FBXL4: variants seen among roughly 807,000 people sequenced by gnomAD.
The protein encoded by FBXL4 is F-box and leucine rich repeat protein 4.
FBXL4 carries 40 observed loss-of-function variants against 58.9 expected under a neutral mutation model. That is an observed-to-expected ratio of 0.68 (90% CI 0.53 to 0.88). The LOEUF (loss-of-function observed/expected upper bound fraction) is 0.88. Ranked by LOEUF, FBXL4 falls within the 40% of genes least tolerant of loss-of-function variation. The pLI is 0.00. For synonymous variants in FBXL4, 263 were observed against 265.5 expected (o/e 0.99, Z 0.09); for missense variants, 676 against 734.4 (o/e 0.92, Z 0.92).
intron 6 of FBXL4, among the ~76,000 whole-genome samples, chr6:98,902,858 C>A (rs191958643): frequency 1.4e-3 from 209 of 152,128 alleles, no homozygotes; most frequent in African/African-American, 4.8e-3. Context: ...TATGCATGAA[C>A]AGTACTCAAA....
chr6:98,899,064 G>T (rs1771508562), intron 7 of FBXL4: 1 of 985,084 alleles, frequency 1.0e-6, no homozygotes, highest in Non-Finnish European at 1.2e-6. Flanking sequence ...GCATAGAGAA[G>T]AACATTTCCT....
At chr6:98,892,972 G>A (rs989701751) in intron 7 of FBXL4, among the ~76,000 whole-genome samples, 4 of 152,136 alleles carry the variant, frequency 2.6e-5, no homozygotes, top group African/African-American at 9.7e-5. Flanking sequence ...GGATGCAGGT[G>A]TTCCATTTAT....
intron 4 of FBXL4, 47 bp downstream of exon 4, chr6:98,926,430 A>G: frequency 6.6e-7 from 1 of 1,513,608 alleles, no homozygotes; most frequent in Non-Finnish European, 8.9e-7. Context: ...ATTAACAACC[A>G]AAACCTTTCT....
chr6:98,907,189 AAG>A (rs1445103344), intron 5 of FBXL4, among the ~76,000 whole-genome samples: 2 of 152,186 alleles, frequency 1.3e-5, no homozygotes, highest in East Asian at 3.9e-4. Flanking sequence ...ACCAGGTGAA[AAG>A]AGAGTCTAGT....
At chr6:98,935,311 T>G (rs191157876) in intron 1 of FBXL4, among the ~76,000 whole-genome samples, 14 of 152,016 alleles carry the variant, frequency 9.2e-5, no homozygotes, top group Admixed American at 2.0e-4. Context: ...TTTTTTGTTT[T>G]TTTTTTTTCT....
chr6:98,907,694 T>G (rs75862686), intron 5 of FBXL4, among the ~76,000 whole-genome samples: 4,226 of 152,302 alleles, frequency 0.028, 72 homozygotes, highest in Non-Finnish European at 0.044. Flanking sequence ...TTTAATTTAA[T>G]GTATTTATCT....
chr6:98,888,392 G>C (rs1437319876), intron 7 of FBXL4, among the ~76,000 whole-genome samples: 1 of 152,172 alleles, frequency 6.6e-6, no homozygotes, highest in Non-Finnish European at 1.5e-5. Context: ...CTCTACTTAG[G>C]AGAACAAAAC....
intron 1 of FBXL4, among the ~76,000 whole-genome samples, chr6:98,941,543 T>A (rs1773432294): frequency 6.6e-6 from 1 of 152,152 alleles, no homozygotes; most frequent in Non-Finnish European, 1.5e-5. Context: ...ATTGATTTGG[T>A]TATGCACACG....
chr6:98,875,591 T>G lies in FBXL4; in HGVS notation c.1526A>C (p.Glu509Ala), dbSNP rs759005691. The G allele has an allele frequency of 1.9e-6, 3 of 1,614,122 alleles. No homozygotes were observed. The highest frequency in any genetic ancestry group is 2.2e-5 in the South Asian group (2 of 91,080). Residue 509 changes from glutamate to alanine, a missense_variant, in exon 9 of 10, where the codon GAG (glutamate) becomes GCG (alanine). Physicochemically the swap from Glu to Ala is moderately radical, Grantham distance 107. Transcript: ENST00000369244. ...ELASGCPLLE[E>A]LDLGWCPTLQ... ...AGTTGGGCACCAGCCAAGGTCAAGC[T>G]CCTCCAGTAGTGGACACCCAGAAGC...
intron 5 of FBXL4, among the ~76,000 whole-genome samples, chr6:98,914,252 T>C (rs557914906): frequency 6.6e-6 from 1 of 152,282 alleles, no homozygotes; most frequent in East Asian, 1.9e-4. Flanking sequence ...GAGGAACTGG[T>C]ACCATTCCTT....
chr6:98,932,910 GAA>G (rs572882559), intron 2 of FBXL4, among the ~76,000 whole-genome samples: 4 of 101,728 alleles, frequency 3.9e-5, no homozygotes, highest in African/African-American at 7.3e-5. Flanking sequence ...TGAAGTCATA[GAA>G]AAAAAAAAAA....
chr6:98,879,778 T>C (rs1452356070), intron 8 of FBXL4, among the ~76,000 whole-genome samples: 1 of 151,474 alleles, frequency 6.6e-6, no homozygotes, highest in African/African-American at 2.4e-5. Context: ...CCATCTCTAC[T>C]AAAAATACAA....
chr6:98,916,156 G>C (rs1353804711), intron 5 of FBXL4, among the ~76,000 whole-genome samples: 1 of 151,086 alleles, frequency 6.6e-6, no homozygotes, highest in Non-Finnish European at 1.5e-5. Flanking sequence ...TCATTAAAAA[G>C]TCAGGAAACA....
intron 5 of FBXL4, among the ~76,000 whole-genome samples, chr6:98,907,866 G>A (rs1771873117): frequency 1.3e-5 from 2 of 151,958 alleles, no homozygotes; most frequent in Admixed American, 6.6e-5. Context: ...GTTTAAAGAG[G>A]GTGTAGCCAG....
chr6:98,916,981 A>G (rs1772383314), intron 5 of FBXL4, among the ~76,000 whole-genome samples: 2 of 152,128 alleles, frequency 1.3e-5, no homozygotes, highest in South Asian at 4.1e-4. Flanking sequence ...CATTCATCTC[A>G]CAATCTTATT....
chr6:98,875,763 T>C (rs1292223379), intron 8 of FBXL4, 36 bp from the exon 9 acceptor site: 3 of 1,573,832 alleles, frequency 1.9e-6, no homozygotes, highest in Non-Finnish European at 2.6e-6. Context: ...TTACATGTTA[T>C]GCTCAGACAT....
chr6:98,930,697 G>A (rs1259779069), intron 2 of FBXL4, among the ~76,000 whole-genome samples: 1 of 152,178 alleles, frequency 6.6e-6, no homozygotes, highest in Non-Finnish European at 1.5e-5. Flanking sequence ...AGTGAGTCAT[G>A]ATCGTGTCAC....
At chr6:98,933,270 T>C (rs922352093) in intron 2 of FBXL4, among the ~76,000 whole-genome samples, 10 of 152,164 alleles carry the variant, frequency 6.6e-5, no homozygotes, top group African/African-American at 2.2e-4. Context: ...CTCAGTCTCC[T>C]CCCAGGTTTT....
intron 1 of FBXL4, among the ~76,000 whole-genome samples, chr6:98,946,636 T>C (rs924823756): frequency 1.3e-5 from 2 of 152,224 alleles, no homozygotes; most frequent in Non-Finnish European, 1.5e-5. Flanking sequence ...AGTTGACTTA[T>C]CTGATTTTCA....
Sources: allele counts gnomAD v4.1 joint callset (sites outside exome capture counted in the v4.1 genomes callset), GRCh38; gene constraint gnomAD v4.1.1; transcripts MANE v1.5; gene names NCBI Gene and HGNC (gene_info 2026-07-23, HGNC 2026-07-21).